The following ROR2 variants were observed in gnomAD, a reference collection of about 807,000 sequenced individuals.
ROR2 encodes the protein tyrosine-protein kinase transmembrane receptor ROR2.
In ROR2, 33 loss-of-function variants were observed where a neutral mutation model predicts 74.9. The observed-to-expected ratio is 0.44, with a 90% confidence interval of 0.33 to 0.59. ROR2 has a LOEUF of 0.59. Among genes scored for constraint, ROR2 ranks in the 20% least tolerant of loss-of-function variants. ROR2 has a pLI of 0.02. For missense variants in ROR2, 1,216 were observed against 1,313.8 expected (o/e 0.93, Z 1.15); for synonymous variants, 586 against 558.7 (o/e 1.05, Z -0.69).
At chr9:91,928,130 C>A (rs2312737) in intron 1 of ROR2, among the ~76,000 whole-genome samples, 2 of 152,092 alleles carry the variant, frequency 1.3e-5, no homozygotes, top group Non-Finnish European at 2.9e-5. Flanking sequence ...TACATTCACA[C>A]GCCAAGCCAA....
At chr9:91,786,624 C>T (rs10992105) in intron 1 of ROR2, among the ~76,000 whole-genome samples, 16,300 of 152,210 alleles carry the variant, frequency 0.11, 1,037 homozygotes, top group South Asian at 0.22. Context: ...AGAGACTCCA[C>T]TTGTGGAGCT....
intron 4 of ROR2, among the ~76,000 whole-genome samples, chr9:91,745,906 A>T (rs1825396900): frequency 6.6e-6 from 1 of 152,170 alleles, no homozygotes; most frequent in Non-Finnish European, 1.5e-5. Context: ...TACCATAAAA[A>T]GATGTCACTG....
At chr9:91,830,148 T>C (rs1828419851) in intron 1 of ROR2, among the ~76,000 whole-genome samples, 1 of 152,242 alleles carries the variant, frequency 6.6e-6, no homozygotes, top group African/African-American at 2.4e-5. Flanking sequence ...TTTACACCCA[T>C]TGAATTTATA....
At chr9:91,904,603 T>C (rs1171792230) in intron 1 of ROR2, among the ~76,000 whole-genome samples, 2 of 152,142 alleles carry the variant, frequency 1.3e-5, no homozygotes, top group African/African-American at 2.4e-5. Flanking sequence ...TGGGGGTGCC[T>C]TGGCGCTTGG....
At chr9:91,762,975 T>C (rs1035751637) in intron 2 of ROR2, among the ~76,000 whole-genome samples, 1 of 152,218 alleles carries the variant, frequency 6.6e-6, no homozygotes, top group African/African-American at 2.4e-5. Flanking sequence ...GTGGTACTTA[T>C]ACACCATGGA....
intron 4 of ROR2, among the ~76,000 whole-genome samples, chr9:91,747,650 A>G (rs906279217): frequency 1.3e-5 from 2 of 152,200 alleles, no homozygotes; most frequent in African/African-American, 2.4e-5. Flanking sequence ...TGGTCGAGTA[A>G]AAGAATCAGA....
rs185138905 is a variant in ROR2, at chr9:91,837,082, C to T, written c.98-61264G>A. Among the ~76,000 whole-genome samples the T allele has an allele frequency of 9.8e-4, 149 of 151,888 alleles. 1 individual carries two copies. Among genetic ancestry groups the T allele is most frequent in the African/African-American group, 3.3e-3 (137 of 41,514 alleles). ...AGGAAAACAACTTTAAAAGTTCACT[C>T]GAGATGTGTACATGGTAATAAATGG... is the stretch of plus-strand genomic sequence containing the variant. On this transcript the variant is annotated intron_variant, in intron 1 of 8. Transcript: ENST00000375708.
chr9:91,791,233 T>G (rs1400335504), intron 1 of ROR2, among the ~76,000 whole-genome samples: 1 of 152,200 alleles, frequency 6.6e-6, no homozygotes, highest in African/African-American at 2.4e-5. Context: ...TTACTGTACT[T>G]TTTCTATATT....
intron 1 of ROR2, among the ~76,000 whole-genome samples, chr9:91,881,193 T>C (rs1830102003): frequency 1.3e-5 from 2 of 152,078 alleles, no homozygotes; most frequent in Non-Finnish European, 2.9e-5. Flanking sequence ...ACGAGTGGAG[T>C]GTTTGATCTG....
chr9:91,916,603 T>C (rs1211527246), intron 1 of ROR2, among the ~76,000 whole-genome samples: 1 of 152,210 alleles, frequency 6.6e-6, no homozygotes, highest in Non-Finnish European at 1.5e-5. Flanking sequence ...CACTCCCATC[T>C]GGTTCCATTA....
chr9:91,947,982 A>C (rs1374425936), intron 1 of ROR2, among the ~76,000 whole-genome samples: 1 of 151,326 alleles, frequency 6.6e-6, no homozygotes, highest in African/African-American at 2.4e-5. Context: ...TCTCCTATAA[A>C]GATTATGAGT....
At chr9:91,924,724 C>T (rs1831353193) in intron 1 of ROR2, among the ~76,000 whole-genome samples, 2 of 151,698 alleles carry the variant, frequency 1.3e-5, no homozygotes, top group East Asian at 1.9e-4. Context: ...ACCCAGGAGG[C>T]GGAGCTTGCA....
chr9:91,759,857 A>C (rs1299011375), intron 2 of ROR2, among the ~76,000 whole-genome samples: 1 of 152,190 alleles, frequency 6.6e-6, no homozygotes, highest in Non-Finnish European at 1.5e-5. Context: ...CCATCTTCAC[A>C]TTATATTGGA....
chr9:91,914,237 T>G (rs755384986), intron 1 of ROR2, among the ~76,000 whole-genome samples: 1 of 152,120 alleles, frequency 6.6e-6, no homozygotes, highest in African/African-American at 2.4e-5. Context: ...ACTTGGTTGA[T>G]AGCTTATTCC....
intron 4 of ROR2, among the ~76,000 whole-genome samples, chr9:91,744,608 T>G (rs1272664646): frequency 1.3e-5 from 2 of 152,180 alleles, no homozygotes; most frequent in Non-Finnish European, 2.9e-5. Context: ...AATGAAATAC[T>G]CTGAATATCT....
intron 1 of ROR2, among the ~76,000 whole-genome samples, chr9:91,830,696 A>C (rs994721929): frequency 6.6e-6 from 1 of 152,136 alleles, no homozygotes; most frequent in African/African-American, 2.4e-5. Flanking sequence ...TAAAAAGATA[A>C]GAAAGAATTA....
At chr9:91,916,447 T>C (rs1174552809) in intron 1 of ROR2, among the ~76,000 whole-genome samples, 1 of 152,216 alleles carries the variant, frequency 6.6e-6, no homozygotes, top group Non-Finnish European at 1.5e-5. Flanking sequence ...CAGGGAGTCC[T>C]GAGGGAAACC....
chr9:91,903,084 T>C (rs180724321), intron 1 of ROR2, among the ~76,000 whole-genome samples: 1 of 152,248 alleles, frequency 6.6e-6, no homozygotes, highest in Admixed American at 6.5e-5. Context: ...ATACTTATGA[T>C]GGTAAATTCC....
chr9:91,888,856 G>T (rs1374869452), intron 1 of ROR2, among the ~76,000 whole-genome samples: 1 of 152,126 alleles, frequency 6.6e-6, no homozygotes, highest in African/African-American at 2.4e-5. Context: ...CCTCTCTGCT[G>T]CCAAAGCCCA....
Sources: gnomAD v4.1 joint callset for allele counts (sites outside exome capture counted in the v4.1 genomes callset) on GRCh38, gnomAD v4.1.1 for gene constraint, MANE v1.5 for transcripts, NCBI Gene and HGNC (gene_info 2026-07-23, HGNC 2026-07-21) for gene names.